The following KLF12 variants were observed in gnomAD, a reference collection of about 807,000 sequenced individuals.
KLF12 encodes the protein Krueppel-like factor 12.
A neutral mutation model predicts 37.8 loss-of-function variants in KLF12; 9 were observed. That is an observed-to-expected ratio of 0.24 (90% CI 0.14 to 0.42). The LOEUF is 0.42. Among genes scored for constraint, KLF12 ranks in the 10% least tolerant of loss-of-function variants. KLF12 has a pLI of 1.00. For missense variants in KLF12, 411 were observed against 516.0 expected (o/e 0.80, Z 1.97); for synonymous variants, 208 against 202.1 (o/e 1.03, Z -0.25).
At chr13:73,985,494 G>A (rs994795324) in intron 2 of KLF12, among the ~76,000 whole-genome samples, 2 of 152,196 alleles carry the variant, frequency 1.3e-5, no homozygotes, top group African/African-American at 4.8e-5. Flanking sequence ...TTATCACAGT[G>A]TGCAACATTA....
intron 6 of KLF12, among the ~76,000 whole-genome samples, chr13:73,735,707 T>A (rs1218510747): frequency 2.0e-5 from 3 of 152,220 alleles, no homozygotes; most frequent in Non-Finnish European, 4.4e-5. Context: ...CTCATCTTCA[T>A]CAAGCACTTA....
intron 6 of KLF12, among the ~76,000 whole-genome samples, chr13:73,737,625 T>G (rs1022455852): frequency 6.6e-6 from 1 of 152,144 alleles, no homozygotes; most frequent in African/African-American, 2.4e-5. Flanking sequence ...TAATTAGAAT[T>G]TAACTTTCCT....
At chr13:73,760,737 T>C (rs1879497834) in intron 6 of KLF12, among the ~76,000 whole-genome samples, 1 of 152,172 alleles carries the variant, frequency 6.6e-6, no homozygotes, top group Admixed American at 6.5e-5. Context: ...ATACTGGTTT[T>C]AGGTACACAG....
intron 1 of KLF12, among the ~76,000 whole-genome samples, chr13:74,079,156 A>G (rs1048791133): frequency 2.0e-5 from 3 of 152,164 alleles, no homozygotes; most frequent in Non-Finnish European, 4.4e-5. Flanking sequence ...ACCAGAAGAA[A>G]TCACTTATAT....
At chr13:74,111,769 T>C (rs1339382555) in intron 1 of KLF12, among the ~76,000 whole-genome samples, 1 of 152,184 alleles carries the variant, frequency 6.6e-6, no homozygotes, top group Non-Finnish European at 1.5e-5. Flanking sequence ...CAGAAATGTA[T>C]TATTTTAAAG....
At chr13:74,102,638 C>T (rs1876422450) in intron 1 of KLF12, among the ~76,000 whole-genome samples, 1 of 151,674 alleles carries the variant, frequency 6.6e-6, no homozygotes, top group African/African-American at 2.4e-5. Context: ...TGGGGGGTTG[C>T]AGTGAGCTGA....
At chr13:73,991,450 T>C (rs1891969052) in intron 2 of KLF12, among the ~76,000 whole-genome samples, 1 of 152,220 alleles carries the variant, frequency 6.6e-6, no homozygotes, top group African/African-American at 2.4e-5. Context: ...CATGAAGCTC[T>C]CTCACACTAA....
rs556458266 is a variant in KLF12 at position 74,055,389 on chromosome 13, C to T, written c.-31-60336G>A. Among the ~76,000 whole-genome samples, 3 of 152,088 alleles carry T rather than the reference C, an allele frequency of 2.0e-5. No individual in the cohort carries two copies. The South Asian group carries it at 6.2e-4, about 32-fold the overall frequency. ...AACACAACAACAAATCAATACAAAG[C>T]ATTTATTTACTTTGCCATCAGATTA... On this transcript the variant is annotated intron_variant, in intron 1 of 7. Coordinates refer to ENST00000377669, the MANE Select transcript of KLF12 (RefSeq NM_007249.5).
At chr13:74,032,449 G>C (rs1453699632) in intron 1 of KLF12, among the ~76,000 whole-genome samples, 1 of 152,010 alleles carries the variant, frequency 6.6e-6, no homozygotes, top group African/African-American at 2.4e-5. Flanking sequence ...AAACCTTACT[G>C]AACTGTACAT....
At chr13:73,926,920 A>T (rs1179180962) in intron 3 of KLF12, among the ~76,000 whole-genome samples, 1 of 142,330 alleles carries the variant, frequency 7.0e-6, no homozygotes, top group Non-Finnish European at 1.5e-5. Context: ...AACAGCACTC[A>T]ACTCCGTGTC....
chr13:73,870,928 G>T (rs771144990), intron 3 of KLF12, among the ~76,000 whole-genome samples: 3 of 152,122 alleles, frequency 2.0e-5, no homozygotes, highest in Non-Finnish European at 4.4e-5. Context: ...GGGATCAGTG[G>T]GGGGCAGGAA....
intron 3 of KLF12, among the ~76,000 whole-genome samples, chr13:73,851,798 G>T (rs1295387691): frequency 6.6e-6 from 1 of 152,062 alleles, no homozygotes; most frequent in African/African-American, 2.4e-5. Context: ...CATTAAAAAG[G>T]AATTAAACTA....
At chr13:74,064,286 T>G (rs1873779791) in intron 1 of KLF12, among the ~76,000 whole-genome samples, 1 of 152,196 alleles carries the variant, frequency 6.6e-6, no homozygotes, top group Non-Finnish European at 1.5e-5. Context: ...TAAAATGCAT[T>G]TTACCATACA....
rs371150104 is a variant in KLF12 at position 73,705,789 on chromosome 13, C to G, written c.1027+9579G>C. The stretch of plus-strand genomic sequence containing the variant: ...ATTCCATACCTTTTATATAACCCAG[C>G]TTTGATGGATGTATGGATAAAATGA... On this transcript the variant is annotated intron_variant, in intron 7 of 7. Coordinates refer to ENST00000377669, the MANE Select transcript of KLF12 (RefSeq NM_007249.5). 2.8e-4 allele frequency among the ~76,000 whole-genome samples: 43 copies of G among 152,180 alleles called. 5 individuals are homozygous for G. Among genetic ancestry groups the G allele is most frequent in the Admixed American group, 1.7e-3 (26 of 15,282 alleles).
chr13:73,892,110 C>G (rs891188235), intron 3 of KLF12, among the ~76,000 whole-genome samples: 2 of 151,818 alleles, frequency 1.3e-5, no homozygotes, highest in Admixed American at 1.3e-4. Context: ...ATGGTATTAA[C>G]TTATGAATTT....
intron 2 of KLF12, among the ~76,000 whole-genome samples, chr13:73,971,830 G>A (rs763107504): frequency 6.6e-6 from 1 of 152,132 alleles, no homozygotes; most frequent in Non-Finnish European, 1.5e-5. Context: ...AGAAGTTCAA[G>A]ACCACCCTGG....
the KLF12 span, among the ~76,000 whole-genome samples, chr13:74,240,097 A>G: frequency 6.6e-6 from 1 of 151,686 alleles, no homozygotes; most frequent in African/African-American, 2.4e-5. Context: ...GTTCTTTTCC[A>G]TGTTTAGTGC....
chr13:74,136,298 T>C (rs918487667), upstream of KLF12, among the ~76,000 whole-genome samples: 9 of 152,204 alleles, frequency 5.9e-5, no homozygotes, highest in African/African-American at 2.2e-4. Context: ...TCCCACTCCC[T>C]GATCCGATCC....
intron 4 of KLF12, among the ~76,000 whole-genome samples, chr13:73,835,053 G>A (rs1303064025): frequency 6.7e-6 from 1 of 149,542 alleles, no homozygotes; most frequent in Admixed American, 6.7e-5. Context: ...GGATAAGCGG[G>A]TAGAAGTTAA....
Sources: allele counts gnomAD v4.1 joint callset (sites outside exome capture counted in the v4.1 genomes callset), GRCh38; gene constraint gnomAD v4.1.1; transcripts MANE v1.5; gene names NCBI Gene and HGNC (gene_info 2026-07-23, HGNC 2026-07-21).